The following VAV3 variants were observed in gnomAD, a reference collection of about 807,000 sequenced individuals.
The protein encoded by VAV3 is vav guanine nucleotide exchange factor 3, also known as guanine nucleotide exchange factor VAV3.
A neutral mutation model predicts 131.2 loss-of-function variants in VAV3; 94 were observed. The ratio of observed to expected loss-of-function variants is 0.72; its 90% CI spans 0.61 to 0.85. VAV3 has a LOEUF of 0.85. VAV3 is among the 40% of genes least tolerant of loss of function. The pLI is 0.00. For synonymous variants in VAV3, 349 were observed against 342.0 expected (o/e 1.02, Z -0.22); for missense variants, 939 against 1,002.7 (o/e 0.94, Z 0.86).
At chr1:107,681,863 T>C (rs1206802007) in intron 19 of VAV3, among the ~76,000 whole-genome samples, 2 of 152,070 alleles carry the variant, frequency 1.3e-5, no homozygotes, top group Admixed American at 6.6e-5. Context: ...GGTTTCACCG[T>C]GTTAGCCAGG....
At chr1:107,906,830 G>A (rs1317159348) in intron 1 of VAV3, among the ~76,000 whole-genome samples, 2 of 152,052 alleles carry the variant, frequency 1.3e-5, no homozygotes, top group African/African-American at 4.8e-5. Context: ...AGAAGGAAGT[G>A]TAAAATGAAA....
intron 19 of VAV3, among the ~76,000 whole-genome samples, chr1:107,651,748 A>G (rs1018679055): frequency 6.6e-6 from 1 of 152,000 alleles, no homozygotes; most frequent in Non-Finnish European, 1.5e-5. Flanking sequence ...ATAATGTTTG[A>G]CCATCCTACA....
chr1:107,729,398 A>G (rs570418026), intron 15 of VAV3, among the ~76,000 whole-genome samples: 1 of 152,330 alleles, frequency 6.6e-6, no homozygotes, highest in Admixed American at 6.5e-5. Context: ...TATCCAAGGG[A>G]AAAGAAACAA....
intron 1 of VAV3, among the ~76,000 whole-genome samples, chr1:107,945,691 G>A (rs1335182044): frequency 6.6e-6 from 1 of 151,816 alleles, no homozygotes; most frequent in African/African-American, 2.4e-5. Flanking sequence ...GCGTGGTGGC[G>A]GGCACCTGTA....
chr1:107,710,308 T>C (rs533089687), intron 15 of VAV3, among the ~76,000 whole-genome samples: 3 of 152,300 alleles, frequency 2.0e-5, no homozygotes, highest in Admixed American at 1.3e-4. Flanking sequence ...AAATGGTTTA[T>C]TTCATCATAT....
intron 4 of VAV3, among the ~76,000 whole-genome samples, chr1:107,776,166 G>C (rs1019717039): frequency 1.3e-5 from 2 of 152,150 alleles, no homozygotes; most frequent in African/African-American, 4.8e-5. Context: ...TTATTGCCAG[G>C]TGTAATACCT....
intron 19 of VAV3, among the ~76,000 whole-genome samples, chr1:107,657,781 C>T (rs1177595295): frequency 6.6e-6 from 1 of 152,100 alleles, no homozygotes; most frequent in Non-Finnish European, 1.5e-5. Flanking sequence ...TAAAACAGAA[C>T]TGGATATTAA....
intron 21 of VAV3, among the ~76,000 whole-genome samples, chr1:107,613,812 T>C (rs180729762): frequency 6.6e-6 from 1 of 152,254 alleles, no homozygotes; most frequent in Admixed American, 6.5e-5. Context: ...CCAGACAGCA[T>C]TTGAATTTTC....
At chr1:107,842,580 T>C (rs1435923466) in intron 2 of VAV3, among the ~76,000 whole-genome samples, 1 of 152,242 alleles carries the variant, frequency 6.6e-6, no homozygotes, top group Non-Finnish European at 1.5e-5. Context: ...CTTTTTAAAC[T>C]GTTCTTGTTC....
At chr1:107,575,405 T>G (rs1649576959) in intron 25 of VAV3, among the ~76,000 whole-genome samples, 1 of 152,192 alleles carries the variant, frequency 6.6e-6, no homozygotes, top group Admixed American at 6.5e-5. Flanking sequence ...GCCACAGGGA[T>G]CTCTGACCTA....
chr1:107,662,620 T>C (rs1448106202), intron 19 of VAV3, among the ~76,000 whole-genome samples: 1 of 152,200 alleles, frequency 6.6e-6, no homozygotes, highest in Non-Finnish European at 1.5e-5. Context: ...TTAAAGCTTC[T>C]TATAGCCCAA....
chr1:107,819,506 CA>C (rs113258345), intron 2 of VAV3, among the ~76,000 whole-genome samples: 7,662 of 122,628 alleles, frequency 0.062, 205 homozygotes, highest in South Asian at 0.085. Context: ...GACTCTGTCT[CA>C]AAAAAAAAAA....
chr1:107,700,113 T>A (rs1201436815), intron 17 of VAV3, among the ~76,000 whole-genome samples: 1 of 152,208 alleles, frequency 6.6e-6, no homozygotes, highest in Non-Finnish European at 1.5e-5. Context: ...CTAGGAAGAC[T>A]CTAGAGATAA....
intron 19 of VAV3, among the ~76,000 whole-genome samples, chr1:107,668,099 A>G (rs575185937): frequency 6.6e-6 from 1 of 152,302 alleles, no homozygotes; most frequent in Non-Finnish European, 1.5e-5. Context: ...TGATATTGAC[A>G]ATTAAGAGTG....
intron 1 of VAV3, among the ~76,000 whole-genome samples, chr1:107,937,711 C>A (rs1453697253): frequency 6.6e-6 from 1 of 152,096 alleles, no homozygotes; most frequent in Non-Finnish European, 1.5e-5. Context: ...TCTAGTGGCA[C>A]CCTTAAAATA....
chr1:107,703,345 T>C (rs896431064), intron 17 of VAV3, among the ~76,000 whole-genome samples: 2 of 152,208 alleles, frequency 1.3e-5, no homozygotes, highest in African/African-American at 4.8e-5. Flanking sequence ...GGTAAGTTTA[T>C]TTAACAGCCC....
intron 2 of VAV3, among the ~76,000 whole-genome samples, chr1:107,788,054 C>T (rs532751516): frequency 1.7e-4 from 26 of 152,244 alleles, no homozygotes; most frequent in African/African-American, 6.0e-4. Context: ...TTTTCAGACT[C>T]TCTCAGATCC....
At chr1:107,887,854 C>T (rs1671112364) in intron 1 of VAV3, among the ~76,000 whole-genome samples, 1 of 152,114 alleles carries the variant, frequency 6.6e-6, no homozygotes, top group Admixed American at 6.5e-5. Flanking sequence ...TCTGGCACCT[C>T]TTTAATTTTT....
chr1:107,902,235 T>C (rs1004312661), intron 1 of VAV3, among the ~76,000 whole-genome samples: 9 of 152,236 alleles, frequency 5.9e-5, no homozygotes, highest in Admixed American at 2.0e-4. Flanking sequence ...CTACAGACTT[T>C]GCCTAGTTTT....
Sources: gnomAD v4.1 joint callset for allele counts (sites outside exome capture counted in the v4.1 genomes callset) on GRCh38, gnomAD v4.1.1 for gene constraint, MANE v1.5 for transcripts, NCBI Gene and HGNC (gene_info 2026-07-23, HGNC 2026-07-21) for gene names.